Variants in POLR3B observed in about 807,000 individuals in gnomAD.
The protein encoded by POLR3B is RNA polymerase III subunit B.
Under a neutral mutation model 147.4 loss-of-function variants are expected in POLR3B, and 96 were observed. That is an observed-to-expected ratio of 0.65 (90% CI 0.55 to 0.77). The LOEUF is 0.77. POLR3B is among the 30% of genes least tolerant of loss of function. The probability of loss-of-function intolerance (pLI) is 0.00; values close to 1 mark genes in which losing one functional copy is unlikely to be tolerated. For synonymous variants in POLR3B, 461 were observed against 485.9 expected (o/e 0.95, Z 0.67); for missense variants, 1,036 against 1,413.5 (o/e 0.73, Z 4.28).
chr12:106,382,768 C>A (rs1385307883), intron 9 of POLR3B, among the ~76,000 whole-genome samples: 1 of 152,178 alleles, frequency 6.6e-6, no homozygotes, highest in Non-Finnish European at 1.5e-5. Flanking sequence ...GTAGATATAG[C>A]ATAATTCTTA....
chr12:106,456,118 T>G (rs761503100), intron 20 of POLR3B, among the ~76,000 whole-genome samples: 6 of 152,138 alleles, frequency 3.9e-5, no homozygotes, highest in Non-Finnish European at 7.3e-5. Context: ...AGGAGATTAG[T>G]AAGAGAATCC....
chr12:106,374,540 A>G (rs1339945766), intron 6 of POLR3B, among the ~76,000 whole-genome samples: 2 of 145,212 alleles, frequency 1.4e-5, no homozygotes, highest in African/African-American at 2.6e-5. Flanking sequence ...TTTGAGATGG[A>G]GTCTCGCTCT....
chr12:106,380,496 T>C (rs2036747185), intron 9 of POLR3B, among the ~76,000 whole-genome samples: 1 of 151,294 alleles, frequency 6.6e-6, no homozygotes, highest in East Asian at 1.9e-4. Context: ...GGTGGGAGGA[T>C]GGCTTGAGCC....
chr12:106,392,062 A>G (rs752810102), intron 9 of POLR3B, among the ~76,000 whole-genome samples: 11 of 152,252 alleles, frequency 7.2e-5, no homozygotes, highest in Non-Finnish European at 1.5e-4. Context: ...AGTGAGCCCT[A>G]GTACCATATG....
chr12:106,477,639 G>A (rs1180883915), intron 23 of POLR3B, among the ~76,000 whole-genome samples: 2 of 152,078 alleles, frequency 1.3e-5, no homozygotes, highest in Admixed American at 6.6e-5. Context: ...AGGTGCGTCC[G>A]TCACCCCTTT....
chr12:106,386,913 A>G (rs1246090962), intron 9 of POLR3B, among the ~76,000 whole-genome samples: 1 of 152,192 alleles, frequency 6.6e-6, no homozygotes, highest in Non-Finnish European at 1.5e-5. Flanking sequence ...TCTCAAAAAA[A>G]AAAAGAAAAA....
chr12:106,409,359 T>G lies in POLR3B; in HGVS notation c.967-1467T>G, dbSNP rs1190496147. 2.8e-5 allele frequency among the ~76,000 whole-genome samples: 4 copies of G among 145,086 alleles called. 1 individual carries two copies. Among genetic ancestry groups the G allele is most frequent in the Non-Finnish European group, 6.0e-5 (4 of 66,530 alleles). On this transcript the variant is annotated intron_variant, in intron 11 of 27. Coordinates refer to ENST00000228347, the MANE Select transcript of POLR3B (RefSeq NM_018082.6). ...GATTGTAAGAGGGTTTTTTTTGTTT[T>G]TTTTTTTTTTTTCTTGAGGATGGAC...
intron 23 of POLR3B, among the ~76,000 whole-genome samples, chr12:106,495,346 C>T (rs2137073340): frequency 6.6e-6 from 1 of 152,162 alleles, no homozygotes. Context: ...CTAATTCTAG[C>T]CTTTTTTTTT....
In POLR3B at chr12:106,496,841, G is replaced by A. The variant is rs2038495388; in HGVS notation, c.2907G>A (p.Val969=). The A allele has an allele frequency of 1.2e-6, 2 of 1,614,040 alleles. No homozygotes were observed. Among genetic ancestry groups the A allele is most frequent in the Admixed American group, 1.7e-5 (1 of 60,000 alleles). ...HYGTAFGGSK[V]KDVCEDLVRH... ...GCACTGCGTTTGGAGGCAGTAAAGT[G>A]AAGGATGTGTGTGAGGACCTCGTTC... Residue 969 remains valine, a synonymous_variant, in exon 25 of 28, where the codon GTG becomes GTA. Transcript: ENST00000228347.
Position 106,509,558 on chromosome 12 carries a change from A to G in POLR3B, c.*9A>G. On this transcript the variant is annotated 3_prime_UTR_variant, in exon 28 of 28. Transcript: ENST00000228347. ...CCAAGTACAATGAATGAGGATGGAA[A>G]AAATGATTATTAAAGAGAACAAGTG... 1 of 1,610,074 alleles carries G rather than the reference A, an allele frequency of 6.2e-7. No homozygotes were observed. The highest frequency in any genetic ancestry group is 8.5e-7 in the Non-Finnish European group (1 of 1,176,662).
In POLR3B at chr12:106,427,192, TTTAGC is replaced by T; in HGVS notation, c.1102-2_1104del. Reference sequence around the variant, plus strand: ...ATCACCATATACCTTTTTTTTTTTTTTTAGCTTTTATCTCTTCTTTTTGAAGACTT... The same window carrying T: ...ATCACCATATACCTTTTTTTTTTTTTTTTTATCTCTTCTTTTTGAAGACTT... On this transcript the variant is annotated splice_acceptor_variant and splice_polypyrimidine_tract_variant and coding_sequence_variant and intron_variant, in exon 13 of 28. Transcript: ENST00000228347. LOFTEE classifies it high-confidence loss of function. The T allele has an allele frequency of 6.7e-7, 1 of 1,503,248 alleles. No homozygotes were observed. The highest frequency in any genetic ancestry group is 9.1e-7 in the Non-Finnish European group (1 of 1,102,706). 93.1% of individuals were successfully genotyped at this position (1,503,248 alleles called of 1,614,324 possible). A position where few individuals can be genotyped will look rare whatever the true frequency, so the allele number is the denominator to read the frequency against.
At chr12:106,485,852 A>C (rs2038330250) in intron 23 of POLR3B, among the ~76,000 whole-genome samples, 1 of 152,184 alleles carries the variant, frequency 6.6e-6, no homozygotes, top group Admixed American at 6.5e-5. Flanking sequence ...CTAGAGAAAA[A>C]ATTGAGGAAT....
chr12:106,416,866 T>A lies in POLR3B; in HGVS notation c.1101+5906T>A, dbSNP rs183946037. ...CACTTACATCTTCTCAAACATACCA[T>A]AATGCTCTTCTATCACTATTCCTTT... On this transcript the variant is annotated intron_variant, in intron 12 of 27. Transcript: ENST00000228347. Among the ~76,000 whole-genome samples, 5 of 151,980 alleles carry A rather than the reference T, an allele frequency of 3.3e-5. No individual in the cohort carries two copies. In the East Asian group the frequency reaches 9.8e-4, roughly 30 times the overall value.
Position 106,504,260 on chromosome 12 carries a change from T to G in POLR3B, c.3272+6T>G, listed in dbSNP as rs747891348. 1 of 1,610,380 alleles carries G rather than the reference T, an allele frequency of 6.2e-7. No individual in the cohort carries two copies. Among genetic ancestry groups the G allele is most frequent in the Admixed American group, 1.7e-5 (1 of 60,022 alleles). On this transcript the variant is annotated splice_donor_region_variant and intron_variant, in intron 27 of 27. Coordinates refer to ENST00000228347, the MANE Select transcript of POLR3B (RefSeq NM_018082.6). This position sits in a 1 kb window ranked among gnomAD's most constrained non-coding sequence, Gnocchi z 4.6. The stretch of plus-strand genomic sequence containing the variant: ...CTTCTGGGGTATTCTGGCTGGTAAG[T>G]GGATACCATATGTCTCCCATACCAC...
At chr12:106,358,098 G>C in intron 1 of POLR3B, 147 bp downstream of exon 1, 2 of 1,516,680 alleles carry the variant, frequency 1.3e-6, no homozygotes, top group Non-Finnish European at 1.8e-6. Context: ...TCGCGCTTGC[G>C]AGTCTTTTTT....
At chr12:106,435,246 G>C (rs960792976) in intron 16 of POLR3B, among the ~76,000 whole-genome samples, 3 of 151,256 alleles carry the variant, frequency 2.0e-5, no homozygotes, top group Non-Finnish European at 4.4e-5. Context: ...TCATGTCTCA[G>C]CTCCCCACCC....
At chr12:106,367,770 T>C (rs866997354) in intron 4 of POLR3B, among the ~76,000 whole-genome samples, 1 of 152,322 alleles carries the variant, frequency 6.6e-6, no homozygotes, top group South Asian at 2.1e-4. Context: ...GGTTACTATT[T>C]TTCCTTTTGT....
Position 106,427,060 on chromosome 12 carries a change from T to G in POLR3B, c.1102-137T>G, listed in dbSNP as rs2037449088. 4.6e-6 allele frequency: 3 copies of G among 651,928 alleles called. 1 individual carries two copies. Among genetic ancestry groups the G allele is most frequent in the Admixed American group, 5.8e-5 (2 of 34,432 alleles). The allele number at this position is 651,928 out of a possible 1,614,324, so 40.4% of individuals were successfully genotyped here. On this transcript the variant is annotated intron_variant, in intron 12 of 27. Transcript: ENST00000228347. ...TATGTACATATCTGTCAAACTGAAT[T>G]TGAAAATAGCAATTTTTTTTCTGTT...
chr12:106,493,550 C>T (rs1043091162), intron 23 of POLR3B, among the ~76,000 whole-genome samples: 1 of 152,168 alleles, frequency 6.6e-6, no homozygotes, highest in African/African-American at 2.4e-5. Context: ...AACTTCTAAG[C>T]TCATTATGGT....
Sources: allele counts gnomAD v4.1 joint callset (sites outside exome capture counted in the v4.1 genomes callset), GRCh38; gene constraint gnomAD v4.1.1; non-coding constraint Gnocchi (gnomAD v3.1); transcripts MANE v1.5; gene names NCBI Gene and HGNC (gene_info 2026-07-23, HGNC 2026-07-21).